RBMS3: variants seen among roughly 807,000 people sequenced by gnomAD.
The protein encoded by RBMS3 is RNA binding motif single stranded interacting protein 3, also known as RNA-binding motif, single-stranded-interacting protein 3.
Under a neutral mutation model 66.8 loss-of-function variants are expected in RBMS3, and 27 were observed. The observed-to-expected ratio is 0.40, with a 90% CI of 0.30 to 0.56. The LOEUF is 0.56. RBMS3 is among the 20% of genes least tolerant of loss of function. RBMS3 has a pLI of 0.40. For missense variants in RBMS3, 513 were observed against 549.5 expected, an observed-to-expected ratio of 0.93 and a Z score of 0.66; for synonymous variants, 188 against 183.0, an observed-to-expected ratio of 1.03 and a Z score of -0.22.
At chr3:29,851,662 T>A (rs1576993735) in intron 6 of RBMS3, among the ~76,000 whole-genome samples, 1 of 152,172 alleles carries the variant, frequency 6.6e-6, no homozygotes, top group Admixed American at 6.5e-5. Context: ...TCATATCAGA[T>A]CTTAAATTGC....
intron 1 of RBMS3, among the ~76,000 whole-genome samples, chr3:29,349,103 A>G (rs752250747): frequency 6.6e-6 from 1 of 152,198 alleles, no homozygotes; most frequent in East Asian, 1.9e-4. Flanking sequence ...GATCTTTCTT[A>G]GGCTCCTTTG....
At chr3:29,555,781 A>G (rs1036117182) in intron 3 of RBMS3, among the ~76,000 whole-genome samples, 6 of 152,206 alleles carry the variant, frequency 3.9e-5, no homozygotes, top group African/African-American at 2.4e-5. Context: ...TCACTCAGAC[A>G]TAGACCAGGA....
At chr3:29,684,813 C>CAGACACACACAG (rs1553642154) in intron 4 of RBMS3, among the ~76,000 whole-genome samples, 2 of 144,878 alleles carry the variant, frequency 1.4e-5, no homozygotes, top group African/African-American at 5.0e-5. Context: ...CACACACACA[C>CAGACACACACAG]ACAGACACAT....
chr3:29,879,772 C>T (rs2059693626), intron 7 of RBMS3, among the ~76,000 whole-genome samples: 2 of 151,600 alleles, frequency 1.3e-5, no homozygotes, highest in African/African-American at 4.8e-5. Flanking sequence ...ATTTATCTTG[C>T]AGTCTAAAAA....
At chr3:29,592,740 A>T (rs1292316154) in intron 4 of RBMS3, among the ~76,000 whole-genome samples, 1 of 152,096 alleles carries the variant, frequency 6.6e-6, no homozygotes, top group Non-Finnish European at 1.5e-5. Context: ...TCATAATAGC[A>T]AAGACTTGGA....
intron 5 of RBMS3, among the ~76,000 whole-genome samples, chr3:29,741,109 C>T (rs190452788): frequency 7.2e-5 from 11 of 151,750 alleles, no homozygotes; most frequent in Admixed American, 7.2e-4. Flanking sequence ...GATAACAAAT[C>T]GTCATGTATA....
rs146306855 is a variant in RBMS3, at chr3:29,335,797, T to C, written c.75+54041T>C. Reference sequence around the variant, plus strand: ...AGACTAAAAGATACATTTGTGAAATTTGTGAAGATATCTTTTTCTCTCTTC... The same window carrying C: ...AGACTAAAAGATACATTTGTGAAATCTGTGAAGATATCTTTTTCTCTCTTC... On this transcript the variant is annotated intron_variant, in intron 1 of 14. Transcript: ENST00000383767. Among the ~76,000 whole-genome samples, 638 of 152,254 alleles carry C rather than the reference T, an allele frequency of 4.2e-3. 3 individuals are homozygous for C. Among genetic ancestry groups the C allele is most frequent in the African/African-American group, 0.015 (609 of 41,552 alleles).
chr3:29,797,087 C>A (rs2057226224), intron 6 of RBMS3, among the ~76,000 whole-genome samples: 1 of 152,062 alleles, frequency 6.6e-6, no homozygotes, highest in South Asian at 2.1e-4. Flanking sequence ...GTTTTGAGGC[C>A]AGGCATTGTC....
chr3:29,328,718 G>C (rs754723517), intron 1 of RBMS3, among the ~76,000 whole-genome samples: 1 of 152,054 alleles, frequency 6.6e-6, no homozygotes, highest in African/African-American at 2.4e-5. Context: ...GACCTCCATT[G>C]GGTTAGATCT....
At position 29,988,158 on chromosome 3, in the gene RBMS3, G is replaced by GCTC; in HGVS notation, c.1117_1119dup (p.Pro373dup). ...TTCTCTCTAGTATATGACTGCTGCT[G>GCTC]CTCCTATGCAAGGGACCTACATTCC... On this transcript the variant is annotated inframe_insertion, in exon 13 of 15. Transcript: ENST00000383767. 6.2e-7 allele frequency: 1 copy of GCTC among 1,612,764 alleles called. No homozygotes were observed. The highest frequency in any genetic ancestry group is 8.5e-7 in the Non-Finnish European group (1 of 1,178,902).
At chr3:29,829,242 G>A (rs2058298672) in intron 6 of RBMS3, among the ~76,000 whole-genome samples, 1 of 151,774 alleles carries the variant, frequency 6.6e-6, no homozygotes, top group Admixed American at 6.6e-5. Flanking sequence ...ACAGGGTTTC[G>A]CCATATTGGT....
chr3:29,281,804 C>T (rs1559456822), intron 1 of RBMS3, 48 bp downstream of exon 1: 1 of 1,487,224 alleles, frequency 6.7e-7, no homozygotes, highest in Non-Finnish European at 9.3e-7. Flanking sequence ...TCGTTCTGCA[C>T]TTGGGATGGG....
chr3:29,994,806 A>C (rs2125384475), intron 14 of RBMS3, among the ~76,000 whole-genome samples: 1 of 152,348 alleles, frequency 6.6e-6, no homozygotes, highest in South Asian at 2.1e-4. Flanking sequence ...AAGTAGATAA[A>C]ACCACAAAGA....
At chr3:29,846,339 A>G (rs2058776102) in intron 6 of RBMS3, among the ~76,000 whole-genome samples, 1 of 152,150 alleles carries the variant, frequency 6.6e-6, no homozygotes, top group South Asian at 2.1e-4. Context: ...ATTTTGAATA[A>G]GGTAGGTAAG....
intron 1 of RBMS3, among the ~76,000 whole-genome samples, chr3:29,361,743 A>G (rs2037603560): frequency 6.6e-6 from 1 of 152,136 alleles, no homozygotes. Flanking sequence ...GGCTTTGCTT[A>G]TTTCTTTTTA....
At chr3:29,626,932 G>A (rs1559519755) in intron 4 of RBMS3, among the ~76,000 whole-genome samples, 1 of 152,052 alleles carries the variant, frequency 6.6e-6, no homozygotes. Flanking sequence ...AAAGTGCCAA[G>A]GGCAGTTCAG....
At position 29,591,050 on chromosome 3, in the gene RBMS3, A is replaced by G. The variant is rs149002972; in HGVS notation, c.399+3845A>G. Among the ~76,000 whole-genome samples, 424 of 152,302 alleles carry G rather than the reference A, an allele frequency of 2.8e-3. 4 individuals are homozygous for G. Among genetic ancestry groups the G allele is most frequent in the African/African-American group, 9.7e-3 (403 of 41,574 alleles). ...TTGTGCTTACAACTCAAAAGCCAAA[A>G]CTGAGTCATATGATTTCCCGCTTTC... On this transcript the variant is annotated intron_variant, in intron 4 of 14. Transcript: ENST00000383767.
At chr3:29,396,139 T>C (rs1468869431) in intron 1 of RBMS3, among the ~76,000 whole-genome samples, 8 of 152,194 alleles carry the variant, frequency 5.3e-5, no homozygotes, top group Admixed American at 5.2e-4. Context: ...CTGGATATCA[T>C]GTGCCTATGG....
At chr3:29,495,836 A>G (rs2043727393) in intron 3 of RBMS3, among the ~76,000 whole-genome samples, 1 of 152,170 alleles carries the variant, frequency 6.6e-6, no homozygotes, top group African/African-American at 2.4e-5. Flanking sequence ...CCTATGGATT[A>G]GTTTTAACAA....
Sources: gnomAD v4.1 joint callset for allele counts (sites outside exome capture counted in the v4.1 genomes callset) on GRCh38, gnomAD v4.1.1 for gene constraint, MANE v1.5 for transcripts, NCBI Gene and HGNC (gene_info 2026-07-23, HGNC 2026-07-21) for gene names.